The following GUCY1B1 variants were observed in gnomAD, a reference collection of about 807,000 sequenced individuals.
The protein encoded by GUCY1B1 is guanylate cyclase 1 soluble subunit beta 1.
GUCY1B1 carries 43 observed loss-of-function variants against 71.0 expected under a neutral mutation model. The observed-to-expected ratio is 0.61, with a 90% CI of 0.47 to 0.78. The LOEUF (loss-of-function observed/expected upper bound fraction) is 0.78, where lower values mean the gene tolerates loss of function less well. Among genes scored for constraint, GUCY1B1 ranks in the 30% least tolerant of loss-of-function variants. The probability of loss-of-function intolerance (pLI) is 0.00; values close to 1 mark genes in which losing one functional copy is unlikely to be tolerated. For synonymous variants in GUCY1B1, 266 were observed against 259.7 expected, an observed-to-expected ratio of 1.02 and a Z score of -0.23; for missense variants, 535 against 754.1, an observed-to-expected ratio of 0.71 and a Z score of 3.40.
chr4:155,783,508 T>C (rs1281686169), intron 4 of GUCY1B1, among the ~76,000 whole-genome samples: 1 of 152,256 alleles, frequency 6.6e-6, no homozygotes, highest in Non-Finnish European at 1.5e-5. Flanking sequence ...CACTGGCTTC[T>C]TCAACTAACC....
chr4:155,760,837 A>G (rs1736953901), intron 2 of GUCY1B1, among the ~76,000 whole-genome samples: 1 of 152,130 alleles, frequency 6.6e-6, no homozygotes, highest in Non-Finnish European at 1.5e-5. Flanking sequence ...ATTCACTCTG[A>G]TTTCCTGTAC....
Position 155,806,390 on chromosome 4 carries a change from C to G in GUCY1B1, c.1841C>G (p.Thr614Arg), listed in dbSNP as rs1264942615. ...LSRKNTGTEE[T>R]KQDDD ...CTTTTCTTCTGCCTATTTAAGGAAA[C>G]AAAGCAGGATGATGACTGAATCTTG... Residue 614 changes from threonine to arginine, a missense_variant, in exon 14 of 14, where the codon ACA (threonine) becomes AGA (arginine). Physicochemically the swap from Thr to Arg is moderately conservative, Grantham distance 71. Transcript: ENST00000264424. 27 of 1,602,626 alleles carry G rather than the reference C, an allele frequency of 1.7e-5. No homozygotes were observed. The highest frequency in any genetic ancestry group is 2.3e-5 in the Non-Finnish European group (27 of 1,170,266).
In GUCY1B1 at chr4:155,800,070, G is replaced by T; in HGVS notation, c.1171G>T (p.Asp391Tyr). The T allele has an allele frequency of 6.2e-7, 1 of 1,604,694 alleles. No homozygotes were observed. The highest frequency in any genetic ancestry group is 8.5e-7 in the Non-Finnish European group (1 of 1,172,908). The change falls in exon 9 of 14, where the codon GAC (aspartate) becomes TAC (tyrosine). Residue 391 changes from aspartate to tyrosine, a missense_variant. Asp to Tyr is a radical substitution (Grantham distance 160). Transcript: ENST00000264424. ...RALEDEKKKT[D>Y]TLLYSVLPPS... is the part of the protein sequence containing the mutation. ...CCTGGAAGATGAAAAGAAAAAGACAGACACGTAAGAATGTAACGCTTGGAG... is the reference window on the plus strand; with the variant it reads ...CCTGGAAGATGAAAAGAAAAAGACATACACGTAAGAATGTAACGCTTGGAG...
intron 10 of GUCY1B1, among the ~76,000 whole-genome samples, chr4:155,803,141 C>G (rs753020503): frequency 7.9e-5 from 12 of 152,150 alleles, no homozygotes; most frequent in Non-Finnish European, 1.8e-4. Context: ...CTCTAGATAT[C>G]TGGGGTAATA....
intron 11 of GUCY1B1, among the ~76,000 whole-genome samples, chr4:155,804,165 T>A (rs1314414652): frequency 6.6e-6 from 1 of 152,208 alleles, no homozygotes; most frequent in African/African-American, 2.4e-5. Flanking sequence ...TTGTCCATAA[T>A]ATGCTTGAAA....
chr4:155,764,093 A>G (rs1375234550), intron 2 of GUCY1B1, among the ~76,000 whole-genome samples: 2 of 152,144 alleles, frequency 1.3e-5, no homozygotes, highest in African/African-American at 4.8e-5. Context: ...AATGCTCTTA[A>G]TATCCATTGT....
At chr4:155,790,962 T>C (rs987874801) in intron 5 of GUCY1B1, among the ~76,000 whole-genome samples, 1 of 152,110 alleles carries the variant, frequency 6.6e-6, no homozygotes, top group Non-Finnish European at 1.5e-5. Flanking sequence ...ACGATTACTG[T>C]TGCACCAACC....
intron 9 of GUCY1B1, among the ~76,000 whole-genome samples, chr4:155,801,530 A>C (rs79432107): frequency 0.013 from 2,015 of 152,318 alleles, 45 homozygotes; most frequent in African/African-American, 0.045. Context: ...TGACTAGGAA[A>C]AACATTGAGA....
chr4:155,788,433 C>G (rs961203024), intron 4 of GUCY1B1, among the ~76,000 whole-genome samples: 3 of 152,218 alleles, frequency 2.0e-5, no homozygotes, highest in African/African-American at 7.2e-5. Flanking sequence ...GCACATCTCT[C>G]TGTCACCATG....
At chr4:155,785,501 T>C (rs896479949) in intron 4 of GUCY1B1, among the ~76,000 whole-genome samples, 3 of 152,150 alleles carry the variant, frequency 2.0e-5, no homozygotes, top group African/African-American at 7.2e-5. Flanking sequence ...AATACATTGT[T>C]AGAGCAATGT....
chr4:155,790,054 A>C, intron 5 of GUCY1B1, 143 bp downstream of exon 5: 1 of 588,220 alleles, frequency 1.7e-6, no homozygotes, highest in South Asian at 2.6e-5. Flanking sequence ...AAAGACCAGC[A>C]ATCTTCTATA....
At chr4:155,800,470 A>G (rs929742099) in intron 9 of GUCY1B1, among the ~76,000 whole-genome samples, 2 of 152,338 alleles carry the variant, frequency 1.3e-5, no homozygotes, top group East Asian at 1.9e-4. Context: ...GCTCTGCACA[A>G]TGAACTTAAC....
intron 4 of GUCY1B1, among the ~76,000 whole-genome samples, chr4:155,787,651 C>G (rs375602165): frequency 6.6e-6 from 1 of 152,182 alleles, no homozygotes; most frequent in South Asian, 2.1e-4. Flanking sequence ...CTACCCTGCA[C>G]CCAAGCCCAC....
chr4:155,796,315 G>T (rs1739551724), intron 7 of GUCY1B1, 62 bp from the exon 8 acceptor site: 11 of 1,474,938 alleles, frequency 7.5e-6, no homozygotes, highest in African/African-American at 1.4e-5. Context: ...GCGTGTCCTT[G>T]TTGCTGAATT....
chr4:155,789,630 A>C, intron 4 of GUCY1B1, 84 bp from the exon 5 acceptor site: 1 of 754,586 alleles, frequency 1.3e-6, no homozygotes, highest in East Asian at 2.5e-5. Context: ...CTCCGATTTG[A>C]CTCGTTTTCA....
chr4:155,764,897 C>G (rs183100094), intron 2 of GUCY1B1, among the ~76,000 whole-genome samples: 5 of 152,250 alleles, frequency 3.3e-5, no homozygotes, highest in Admixed American at 3.3e-4. Flanking sequence ...TAAGGCGGGT[C>G]ATCACATGAT....
chr4:155,788,224 C>T (rs1047900857), intron 4 of GUCY1B1, among the ~76,000 whole-genome samples: 40 of 152,154 alleles, frequency 2.6e-4, no homozygotes, highest in African/African-American at 9.7e-4. Flanking sequence ...TAATTGTTTT[C>T]TTCCTCATTC....
chr4:155,759,563 C>A lies in GUCY1B1; in HGVS notation c.4-224C>A. 5.8e-6 allele frequency: 3 copies of A among 520,130 alleles called. No homozygotes were observed. In the South Asian group the frequency reaches 8.3e-5, roughly 14 times the overall value. The allele number at this position is 520,130 out of a possible 1,614,324, so 32.2% of individuals were successfully genotyped here. ...ACAGGTGAGGAGGGTGGGAAGATAGCGTGGGGGTGGGGCGGATGGTGACGG... is the reference window on the plus strand; with the variant it reads ...ACAGGTGAGGAGGGTGGGAAGATAGAGTGGGGGTGGGGCGGATGGTGACGG... On this transcript the variant is annotated intron_variant, in intron 1 of 13. Transcript: ENST00000264424.
chr4:155,805,792 C>A (rs747313357), intron 13 of GUCY1B1, among the ~76,000 whole-genome samples: 1 of 152,156 alleles, frequency 6.6e-6, no homozygotes, highest in South Asian at 2.1e-4. Flanking sequence ...GATTTAAGTT[C>A]TTTCTACTAC....
Sources: gnomAD v4.1 joint callset for allele counts (sites outside exome capture counted in the v4.1 genomes callset) on GRCh38, gnomAD v4.1.1 for gene constraint, MANE v1.5 for transcripts, NCBI Gene and HGNC (gene_info 2026-07-23, HGNC 2026-07-21) for gene names.